The following CPAMD8 variants were observed in gnomAD, a reference collection of about 807,000 sequenced individuals.
CPAMD8 encodes C3 and PZP like alpha-2-macroglobulin domain containing 8.
Under a neutral mutation model 224.7 loss-of-function variants are expected in CPAMD8, and 146 were observed. That is an observed-to-expected ratio of 0.65 (90% CI 0.57 to 0.75). The LOEUF (loss-of-function observed/expected upper bound fraction) is 0.75, where lower values mean the gene tolerates loss of function less well. CPAMD8 is among the 30% of genes least tolerant of loss of function. The probability of loss-of-function intolerance (pLI) is 0.00; values close to 1 mark genes in which losing one functional copy is unlikely to be tolerated. For synonymous variants in CPAMD8, 966 were observed against 1,044.6 expected, an observed-to-expected ratio of 0.92 and a Z score of 1.45; for missense variants, 2,301 against 2,537.5, an observed-to-expected ratio of 0.91 and a Z score of 2.00.
chr19:16,974,397 C>T (rs1364710935), intron 17 of CPAMD8, among the ~76,000 whole-genome samples: 1 of 151,782 alleles, frequency 6.6e-6, no homozygotes, highest in Non-Finnish European at 1.5e-5. Flanking sequence ...GACCCCCTGC[C>T]ACCTGGGATC....
chr19:17,019,207 T>A (rs139081787), intron 3 of CPAMD8, among the ~76,000 whole-genome samples: 10 of 152,156 alleles, frequency 6.6e-5, no homozygotes, highest in Non-Finnish European at 1.3e-4. Flanking sequence ...CACTGCAACC[T>A]CCGTCCCATG....
intron 8 of CPAMD8, among the ~76,000 whole-genome samples, chr19:17,003,913 C>CTTT (rs572893226): frequency 4.8e-5 from 7 of 145,174 alleles, no homozygotes; most frequent in African/African-American, 1.8e-4. Flanking sequence ...TTTTCTTTTT[C>CTTT]TTTTTTTTTT....
intron 27 of CPAMD8, among the ~76,000 whole-genome samples, chr19:16,917,455 G>T (rs2053004122): frequency 6.6e-6 from 1 of 152,064 alleles, no homozygotes; most frequent in African/African-American, 2.4e-5. Context: ...CTTCTAAAAA[G>T]TAAGATCTAT....
chr19:16,925,436 C>T lies in CPAMD8; in HGVS notation c.3371-64G>A, dbSNP rs116563026. 6.6e-3 allele frequency: 8,887 copies of T among 1,344,604 alleles called. 145 individuals are homozygous for T. The highest frequency in any genetic ancestry group is 0.045 in the Middle Eastern group (187 of 4,190). The allele number at this position is 1,344,604 out of a possible 1,614,324, so 83.3% of individuals were successfully genotyped here. Reference sequence around the variant, plus strand: ...CCAGTTCAGTAGAGAACAGGGACAGCTTTACCCAGGGATGGGAGACAGTGA... The same window carrying T: ...CCAGTTCAGTAGAGAACAGGGACAGTTTTACCCAGGGATGGGAGACAGTGA... On this transcript the variant is annotated intron_variant, in intron 25 of 41. Coordinates refer to ENST00000443236, the MANE Select transcript of CPAMD8 (RefSeq NM_015692.5).
chr19:17,012,183 TA>T (rs1429471622), intron 3 of CPAMD8, among the ~76,000 whole-genome samples: 1 of 152,090 alleles, frequency 6.6e-6, no homozygotes, highest in East Asian at 1.9e-4. Context: ...CATGCCTGGC[TA>T]ATTTTTATGT....
intron 19 of CPAMD8, among the ~76,000 whole-genome samples, chr19:16,953,768 C>T (rs2054374972): frequency 1.3e-5 from 2 of 151,890 alleles, no homozygotes; most frequent in African/African-American, 4.8e-5. Flanking sequence ...ATAGAGAACT[C>T]CTGAAACTCA....
Position 17,006,895 on chromosome 19 carries a change from T to G in CPAMD8, c.559+1610A>C, listed in dbSNP as rs140760566. Among the ~76,000 whole-genome samples, 633 of 152,282 alleles carry G rather than the reference T, an allele frequency of 4.2e-3. 4 individuals are homozygous for G. Among genetic ancestry groups the G allele is most frequent in the African/African-American group, 0.015 (606 of 41,544 alleles). ...AACTGACATTATCCAGGCTGTTTAG[T>G]TCATGTTTGCTTCCCCCATTGGGTT... is the stretch of plus-strand genomic sequence containing the variant. On this transcript the variant is annotated intron_variant, in intron 7 of 41. Transcript: ENST00000443236.
chr19:16,975,775 T>C (rs1325137633), intron 16 of CPAMD8, among the ~76,000 whole-genome samples: 1 of 152,170 alleles, frequency 6.6e-6, no homozygotes, highest in Non-Finnish European at 1.5e-5. Context: ...AATGTCATGT[T>C]GCAAAAATCT....
chr19:16,983,186 T>C (rs1049122172), intron 13 of CPAMD8, among the ~76,000 whole-genome samples: 2 of 152,164 alleles, frequency 1.3e-5, no homozygotes, highest in Non-Finnish European at 2.9e-5. Flanking sequence ...GCGGATCACC[T>C]AAGGTCAGGA....
chr19:16,978,034 G>A lies in CPAMD8; in HGVS notation c.1586-494C>T, dbSNP rs553049783. Among the ~76,000 whole-genome samples the A allele has an allele frequency of 3.9e-5, 6 of 152,242 alleles. 1 individual carries two copies. The South Asian group carries it at 1.2e-3, about 32-fold the overall frequency. On this transcript the variant is annotated intron_variant, in intron 14 of 41. Coordinates refer to ENST00000443236, the MANE Select transcript of CPAMD8 (RefSeq NM_015692.5). ...CCCTGTGGGTAAATGATCCTTAAAG[G>A]ATAGAGGATCTTAGAAGCCTGTCCA...
chr19:17,015,722 G>A (rs2056793364), intron 3 of CPAMD8, among the ~76,000 whole-genome samples: 1 of 152,208 alleles, frequency 6.6e-6, no homozygotes, highest in Non-Finnish European at 1.5e-5. Context: ...AGGCTGAAGA[G>A]GGAGGAAAGG....
At chr19:16,908,024 C>A (rs2052590514) in intron 29 of CPAMD8, among the ~76,000 whole-genome samples, 2 of 152,256 alleles carry the variant, frequency 1.3e-5, no homozygotes, top group Non-Finnish European at 2.9e-5. Flanking sequence ...GAGTCCTGGC[C>A]ACCCTGTCCC....
intron 27 of CPAMD8, 135 bp from the exon 28 acceptor site, chr19:16,914,948 C>T (rs1354406118): frequency 7.6e-6 from 5 of 656,336 alleles, no homozygotes; most frequent in Admixed American, 2.9e-5. Flanking sequence ...GGGGTCCCAT[C>T]TGTCCCCACA....
chr19:16,896,670 G>A lies in CPAMD8; in HGVS notation c.5066-5C>T, dbSNP rs1177029168. 1.4e-6 allele frequency: 2 copies of A among 1,449,954 alleles called. No homozygotes were observed. Among genetic ancestry groups the A allele is most frequent in the South Asian group, 2.7e-5 (2 of 72,880 alleles). 89.8% of individuals were successfully genotyped at this position (1,449,954 alleles called of 1,614,324 possible). A position where few individuals can be genotyped will look rare whatever the true frequency, so the allele number is the denominator to read the frequency against. On this transcript the variant is annotated splice_polypyrimidine_tract_variant and splice_region_variant and intron_variant, in intron 39 of 41. Transcript: ENST00000443236. ...CCGACTCGCCGGGGAACCAGCCTGG[G>A]GGACGAGGCAGGCTCGACAGACCCC...
intron 17 of CPAMD8, among the ~76,000 whole-genome samples, chr19:16,973,797 T>C (rs2055150557): frequency 6.7e-6 from 1 of 150,318 alleles, no homozygotes; most frequent in African/African-American, 2.4e-5. Context: ...CATGAAAACG[T>C]CCAGAGATGG....
intron 8 of CPAMD8, among the ~76,000 whole-genome samples, 178 bp downstream of exon 8, chr19:17,004,095 G>A (rs1350737663): frequency 2.6e-5 from 4 of 151,792 alleles, no homozygotes; most frequent in African/African-American, 4.8e-5. Flanking sequence ...TAGTAGACAC[G>A]AGGTTTCGCC....
At chr19:16,990,863 C>CAAAAAAAAAAAAAAAAAAAAAAAAAAAAA (rs3067791) in intron 12 of CPAMD8, among the ~76,000 whole-genome samples, 1 of 73,176 alleles carries the variant, frequency 1.4e-5, no homozygotes, top group Non-Finnish European at 2.5e-5. Flanking sequence ...AACTCTGTCT[C>CAAAAAAAAAAAAAAAAAAAAAAAAAAAAA]AAAAAAAAAA....
intron 11 of CPAMD8, among the ~76,000 whole-genome samples, chr19:16,994,514 C>CTT (rs1213117903): frequency 6.6e-5 from 7 of 106,502 alleles, no homozygotes; most frequent in Non-Finnish European, 1.2e-4. Context: ...TTAACCACTC[C>CTT]CTTTTTTTTT....
rs188371218 is a variant in CPAMD8 at position 16,917,386 on chromosome 19, G to T, written c.3630-2573C>A. Reference sequence around the variant, plus strand: ...ATCACATGGGAAGCTGTGTATGGGGGTGTAGAGGTGTATGGGAACTCTGTT... The same window carrying T: ...ATCACATGGGAAGCTGTGTATGGGGTTGTAGAGGTGTATGGGAACTCTGTT... On this transcript the variant is annotated intron_variant, in intron 27 of 41. Coordinates refer to ENST00000443236, the MANE Select transcript of CPAMD8 (RefSeq NM_015692.5). Among the ~76,000 whole-genome samples the T allele has an allele frequency of 3.8e-3, 576 of 152,298 alleles. 3 individuals carry two copies. The highest frequency in any genetic ancestry group is 0.037 in the Middle Eastern group (11 of 294).
Sources: gnomAD v4.1 joint callset for allele counts (sites outside exome capture counted in the v4.1 genomes callset) on GRCh38, gnomAD v4.1.1 for gene constraint, MANE v1.5 for transcripts, NCBI Gene and HGNC (gene_info 2026-07-23, HGNC 2026-07-21) for gene names.